Variants in MPP7 observed in about 807,000 individuals in gnomAD.
MPP7 encodes the protein MAGUK p55 scaffold protein 7.
In MPP7, 60 loss-of-function variants were observed where a neutral mutation model predicts 76.5. That is an observed-to-expected ratio of 0.78 (90% CI 0.64 to 0.97). MPP7 has a LOEUF of 0.97. MPP7 is among the 50% of genes least tolerant of loss of function. MPP7 has a pLI of 0.00. For missense variants in MPP7, 641 were observed against 694.0 expected (o/e 0.92, Z 0.86); for synonymous variants, 237 against 244.5 (o/e 0.97, Z 0.29).
At chr10:28,229,956 T>A (rs55654850) in intron 2 of MPP7, among the ~76,000 whole-genome samples, 26,305 of 151,836 alleles carry the variant, frequency 0.17, 2,582 homozygotes, top group African/African-American at 0.26. Context: ...TTTTTTATTT[T>A]AAAAAGAGAA....
At chr10:28,234,919 T>G (rs960980919) in intron 2 of MPP7, among the ~76,000 whole-genome samples, 2 of 152,222 alleles carry the variant, frequency 1.3e-5, no homozygotes, top group Non-Finnish European at 2.9e-5. Flanking sequence ...CAGGTGATCC[T>G]CCCACCTCAG....
At chr10:28,067,048 T>C (rs1346136870) in intron 13 of MPP7, among the ~76,000 whole-genome samples, 1 of 152,096 alleles carries the variant, frequency 6.6e-6, no homozygotes, top group Non-Finnish European at 1.5e-5. Context: ...TGCATTTCCA[T>C]TGGGTGTGCA....
At chr10:28,264,186 C>A (rs1293504702) in intron 1 of MPP7, among the ~76,000 whole-genome samples, 1 of 152,016 alleles carries the variant, frequency 6.6e-6, no homozygotes, top group Non-Finnish European at 1.5e-5. Flanking sequence ...GCAGTCCCAG[C>A]TACTTGGGAG....
chr10:28,253,826 T>C (rs1030183555), intron 1 of MPP7, among the ~76,000 whole-genome samples: 4 of 151,506 alleles, frequency 2.6e-5, no homozygotes, highest in South Asian at 2.1e-4. Flanking sequence ...CAAAACCTCG[T>C]CTCTACTAAA....
intron 12 of MPP7, among the ~76,000 whole-genome samples, chr10:28,084,571 T>C (rs1404496665): frequency 6.6e-6 from 1 of 152,218 alleles, no homozygotes; most frequent in Non-Finnish European, 1.5e-5. Flanking sequence ...AGCCCTGGAA[T>C]AGGGTCTGGA....
At chr10:28,317,221 C>G (rs76732197) in intron 2 of MPP7, among the ~76,000 whole-genome samples, 1 of 152,102 alleles carries the variant, frequency 6.6e-6, no homozygotes, top group Non-Finnish European at 1.5e-5. Context: ...TTTAAGAAAT[C>G]AAGATATATA....
At chr10:28,263,734 G>A (rs1408402364) in intron 1 of MPP7, among the ~76,000 whole-genome samples, 2 of 152,310 alleles carry the variant, frequency 1.3e-5, no homozygotes, top group East Asian at 1.9e-4. Flanking sequence ...AGAAGCAGAC[G>A]GAGGAGCTGC....
intron 2 of MPP7, among the ~76,000 whole-genome samples, chr10:28,209,022 C>A (rs902150472): frequency 6.6e-6 from 1 of 152,014 alleles, no homozygotes; most frequent in Admixed American, 6.6e-5. Context: ...ACTTCCTTTG[C>A]CCCTACTTTC....
intron 2 of MPP7, among the ~76,000 whole-genome samples, chr10:28,327,078 C>T (rs1474713243): frequency 6.6e-6 from 1 of 152,104 alleles, no homozygotes; most frequent in East Asian, 1.9e-4. Context: ...CACATGTGAC[C>T]AGCTGCACTG....
At chr10:28,134,451 G>T (rs543466672) in intron 5 of MPP7, among the ~76,000 whole-genome samples, 2 of 152,034 alleles carry the variant, frequency 1.3e-5, no homozygotes, top group African/African-American at 2.4e-5. Context: ...CTCCCTTTTG[G>T]TAACTTGCCC....
intron 1 of MPP7, among the ~76,000 whole-genome samples, chr10:28,296,266 G>C (rs1015240433): frequency 1.1e-4 from 16 of 152,038 alleles, no homozygotes; most frequent in Non-Finnish European, 2.4e-4. Context: ...TGCCAAGAAT[G>C]ACCTTCCTAG....
At chr10:28,295,959 A>G (rs1252344586) in intron 1 of MPP7, among the ~76,000 whole-genome samples, 1 of 152,252 alleles carries the variant, frequency 6.6e-6, no homozygotes, top group East Asian at 1.9e-4. Flanking sequence ...ATAATCTGAA[A>G]TCTTCCATAA....
At chr10:28,304,960 G>T (rs952265699), upstream of MPP7, among the ~76,000 whole-genome samples, 2 of 151,992 alleles carry the variant, frequency 1.3e-5, no homozygotes, top group African/African-American at 4.8e-5. Flanking sequence ...ATCAGAAGAT[G>T]GACAATGATC....
intron 12 of MPP7, among the ~76,000 whole-genome samples, chr10:28,073,315 G>A (rs1361578569): frequency 1.3e-5 from 2 of 152,042 alleles, no homozygotes; most frequent in Non-Finnish European, 2.9e-5. Context: ...CTCCTGTCCC[G>A]AAACAGCCTT....
intron 11 of MPP7, among the ~76,000 whole-genome samples, chr10:28,117,566 T>C (rs941153588): frequency 6.6e-6 from 1 of 152,080 alleles, no homozygotes; most frequent in Admixed American, 6.6e-5. Flanking sequence ...ATCCAGAAAG[T>C]AGTGGATCAG....
intron 11 of MPP7, 132 bp from the exon 12 acceptor site, chr10:28,089,973 G>A: frequency 6.8e-6 from 4 of 587,816 alleles, no homozygotes; most frequent in Non-Finnish European, 1.2e-5. Context: ...AAACCCTAAT[G>A]TTTTAGAGAC....
At chr10:28,071,430 A>G (rs1161221918) in intron 12 of MPP7, among the ~76,000 whole-genome samples, 1 of 152,080 alleles carries the variant, frequency 6.6e-6, no homozygotes, top group African/African-American at 2.4e-5. Context: ...GTCATTCACT[A>G]CCACCTTCAA....
chr10:28,214,920 G>T (rs998182499), intron 2 of MPP7, among the ~76,000 whole-genome samples: 8 of 152,024 alleles, frequency 5.3e-5, no homozygotes, highest in Admixed American at 2.0e-4. Flanking sequence ...GGCTCCTGGG[G>T]GTAACATCAC....
intron 3 of MPP7, among the ~76,000 whole-genome samples, chr10:28,166,315 CATCTA>C (rs1836454878): frequency 1.3e-5 from 2 of 151,778 alleles, no homozygotes; most frequent in Non-Finnish European, 2.9e-5. Flanking sequence ...AAATATTTTA[CATCTA>C]ACCCTGTGTG....
Sources: allele counts gnomAD v4.1 joint callset (sites outside exome capture counted in the v4.1 genomes callset), GRCh38; gene constraint gnomAD v4.1.1; transcripts MANE v1.5; gene names NCBI Gene and HGNC (gene_info 2026-07-23, HGNC 2026-07-21).